Variants in ALDH1L1 observed in about 807,000 individuals in gnomAD.
ALDH1L1 encodes the protein aldehyde dehydrogenase 1 family member L1.
A neutral mutation model predicts 101.1 loss-of-function variants in ALDH1L1; 68 were observed. The ratio of observed to expected loss-of-function variants is 0.67; its 90% CI spans 0.55 to 0.82. The LOEUF is 0.82. ALDH1L1 is among the 40% of genes least tolerant of loss of function. The pLI, the probability that ALDH1L1 is intolerant of heterozygous loss-of-function variation, is 0.00. For synonymous variants in ALDH1L1, 486 were observed against 470.8 expected (o/e 1.03, Z -0.42); for missense variants, 1,087 against 1,172.7 (o/e 0.93, Z 1.07).
At chr3:126,168,973 T>C (rs370647158) in intron 1 of ALDH1L1, among the ~76,000 whole-genome samples, 3 of 152,180 alleles carry the variant, frequency 2.0e-5, no homozygotes, top group Non-Finnish European at 2.9e-5. Flanking sequence ...TTTATTTTGT[T>C]TGAATTATCT....
intron 12 of ALDH1L1, among the ~76,000 whole-genome samples, chr3:126,133,987 C>T (rs1267513949): frequency 6.6e-6 from 1 of 152,214 alleles, no homozygotes; most frequent in Non-Finnish European, 1.5e-5. Context: ...GCCTAGGAAC[C>T]TTGTCTAACT....
chr3:126,183,546 C>T (rs1044349947), upstream of ALDH1L1, among the ~76,000 whole-genome samples: 2 of 152,106 alleles, frequency 1.3e-5, no homozygotes, highest in African/African-American at 4.8e-5. Context: ...CACTCTGGGG[C>T]CAGAGTCAGA....
At chr3:126,175,574 A>G (rs941257568) in intron 1 of ALDH1L1, among the ~76,000 whole-genome samples, 1 of 152,026 alleles carries the variant, frequency 6.6e-6, no homozygotes, top group Admixed American at 6.6e-5. Flanking sequence ...AATCCATCGC[A>G]TGAATAGGCT....
upstream of ALDH1L1, chr3:126,180,624 C>T: frequency 7.8e-7 from 1 of 1,284,510 alleles, no homozygotes; most frequent in Non-Finnish European, 9.9e-7. Flanking sequence ...GGCCAGAGCC[C>T]GTGAGGGGAG....
At chr3:126,128,208 C>T (rs111259982) in intron 14 of ALDH1L1, among the ~76,000 whole-genome samples, 2,576 of 152,250 alleles carry the variant, frequency 0.017, 63 homozygotes, top group African/African-American at 0.059. Context: ...TAGTAAATTT[C>T]CTAACACAAA....
rs149222279 is a variant in ALDH1L1 at position 126,104,136 on chromosome 3, G to T, written c.2654-290C>A. On this transcript the variant is annotated intron_variant, in intron 22 of 22. Coordinates refer to ENST00000393434, the MANE Select transcript of ALDH1L1 (RefSeq NM_012190.4). ...AGTGGGAAGCCCCTTCAGGTGGAAGGGGGTGGAGAGACTTGGCGTTACTGC... is the reference window on the plus strand; with the variant it reads ...AGTGGGAAGCCCCTTCAGGTGGAAGTGGGTGGAGAGACTTGGCGTTACTGC... 4.4e-4 allele frequency: 220 copies of T among 503,312 alleles called. 1 individual carries two copies. Among genetic ancestry groups the T allele is most frequent in the African/African-American group, 3.8e-3 (199 of 51,852 alleles). 31.2% of individuals were successfully genotyped at this position (503,312 alleles called of 1,614,324 possible). A position where few individuals can be genotyped will look rare whatever the true frequency, so the allele number is the denominator to read the frequency against.
intron 12 of ALDH1L1, among the ~76,000 whole-genome samples, chr3:126,134,197 T>C (rs2080373603): frequency 6.6e-6 from 1 of 152,134 alleles, no homozygotes; most frequent in African/African-American, 2.4e-5. Context: ...GCAGAACCAG[T>C]AATGGGCACT....
chr3:126,186,500 C>T (rs557697495), upstream of ALDH1L1, among the ~76,000 whole-genome samples: 1 of 65,606 alleles, frequency 1.5e-5, no homozygotes, highest in Admixed American at 1.4e-4. Context: ...TGAACCTGAC[C>T]CTGACCCTGA....
At chr3:126,171,550 G>C (rs550519659) in intron 1 of ALDH1L1, among the ~76,000 whole-genome samples, 2 of 152,196 alleles carry the variant, frequency 1.3e-5, no homozygotes, top group Non-Finnish European at 2.9e-5. Context: ...TGGCAAGCCA[G>C]CTTTTGTATT....
At chr3:126,149,950 C>T (rs113433435) in intron 8 of ALDH1L1, among the ~76,000 whole-genome samples, 4 of 152,194 alleles carry the variant, frequency 2.6e-5, no homozygotes, top group African/African-American at 7.2e-5. Flanking sequence ...GTCTTAGAGA[C>T]GAAAGCTCCC....
At chr3:126,175,190 AC>A in intron 1 of ALDH1L1, among the ~76,000 whole-genome samples, 1 of 152,296 alleles carries the variant, frequency 6.6e-6, no homozygotes, top group South Asian at 2.1e-4. Context: ...CAAAACTCAC[AC>A]AAAGAGAAAT....
At chr3:126,168,317 G>A (rs1259851098) in intron 1 of ALDH1L1, among the ~76,000 whole-genome samples, 1 of 151,764 alleles carries the variant, frequency 6.6e-6, no homozygotes, top group African/African-American at 2.4e-5. Context: ...ACTTGTCAAG[G>A]GTTATAATGG....
intron 1 of ALDH1L1, among the ~76,000 whole-genome samples, chr3:126,188,979 G>A (rs189621547): frequency 3.3e-5 from 5 of 152,026 alleles, no homozygotes; most frequent in South Asian, 2.1e-4. Flanking sequence ...AGTACCCGAC[G>A]TATTTATTCA....
intron 8 of ALDH1L1, among the ~76,000 whole-genome samples, chr3:126,148,715 T>C (rs1409915008): frequency 6.7e-6 from 1 of 149,752 alleles, no homozygotes; most frequent in African/African-American, 2.5e-5. Flanking sequence ...CTGCATAGAG[T>C]TGTTATCATG....
upstream of ALDH1L1, among the ~76,000 whole-genome samples, chr3:126,185,351 G>A (rs748160412): frequency 2.8e-4 from 43 of 152,370 alleles, 1 homozygote; most frequent in Middle Eastern, 3.4e-3. Flanking sequence ...AGGAGGCAGG[G>A]ACGGTGTCTC....
chr3:126,112,076 T>C (rs1946096491), intron 19 of ALDH1L1, among the ~76,000 whole-genome samples: 1 of 151,692 alleles, frequency 6.6e-6, no homozygotes, highest in Non-Finnish European at 1.5e-5. Context: ...GCCAACCCGC[T>C]GAGGAACTGA....
rs536698808 is a variant in ALDH1L1, at chr3:126,158,523, C to G, written c.244G>C (p.Val82Leu). The G allele has an allele frequency of 1.2e-6, 2 of 1,614,224 alleles. No homozygotes were observed. The highest frequency in any genetic ancestry group is 2.2e-5 in the East Asian group (1 of 44,874). Reference protein sequence around the residue: ...KYQALGAELNVLPFCSQFIPM... With the variant: ...KYQALGAELNLLPFCSQFIPM... ...ATGAATTGGCTGCAGAAGGGCAGGACGTTGAGCTCGGCCCCCAAAGCCTGG... is the reference window on the plus strand; with the variant it reads ...ATGAATTGGCTGCAGAAGGGCAGGAGGTTGAGCTCGGCCCCCAAAGCCTGG... Residue 82 changes from valine to leucine, a missense_variant, in exon 3 of 23, where the codon GTC (valine) becomes CTC (leucine). By Grantham distance (32) the Val-to-Leu change is conservative (BLOSUM62 1). Transcript: ENST00000393434.
intron 8 of ALDH1L1, 92 bp downstream of exon 8, chr3:126,150,314 G>C: frequency 6.7e-7 from 1 of 1,485,342 alleles, no homozygotes; most frequent in South Asian, 1.3e-5. Flanking sequence ...CAGAGGGCTG[G>C]CGCTGCCCAA....
At chr3:126,142,540 C>T (rs890872390) in intron 9 of ALDH1L1, among the ~76,000 whole-genome samples, 1 of 146,858 alleles carries the variant, frequency 6.8e-6, no homozygotes, top group Non-Finnish European at 1.5e-5. Flanking sequence ...GATACTTCAC[C>T]TATGAAAATC....
Sources: gnomAD v4.1 joint callset for allele counts (sites outside exome capture counted in the v4.1 genomes callset) on GRCh38, gnomAD v4.1.1 for gene constraint, MANE v1.5 for transcripts, NCBI Gene and HGNC (gene_info 2026-07-23, HGNC 2026-07-21) for gene names.